The following ZNF217 variants were observed in gnomAD, a reference collection of about 807,000 sequenced individuals.
The protein encoded by ZNF217 is zinc finger protein 217.
A neutral mutation model predicts 73.3 loss-of-function variants in ZNF217; 12 were observed. The observed-to-expected ratio is 0.16, with a 90% CI of 0.10 to 0.27. The LOEUF is 0.27. Ranked by LOEUF, ZNF217 falls within the 10% of genes least tolerant of loss-of-function variation. The pLI is 1.00. For missense variants in ZNF217, 1,195 were observed against 1,327.8 expected (o/e 0.90, Z 1.55); for synonymous variants, 588 against 516.4 (o/e 1.14, Z -1.88).
chr20:53,577,728 CAT>C (rs1284595255), intron 3 of ZNF217, among the ~76,000 whole-genome samples: 1 of 152,182 alleles, frequency 6.6e-6, no homozygotes, highest in Non-Finnish European at 1.5e-5. Flanking sequence ...ATCATAAAGA[CAT>C]AAGATGCAGC....
At chr20:53,593,011 A>C (rs1988936210) in intron 1 of ZNF217, among the ~76,000 whole-genome samples, 1 of 152,064 alleles carries the variant, frequency 6.6e-6, no homozygotes, top group Non-Finnish European at 1.5e-5. Flanking sequence ...GACTTAAAAA[A>C]ATCTTTAAAA....
At chr20:53,590,441 A>T (rs901698623) in intron 1 of ZNF217, among the ~76,000 whole-genome samples, 2 of 152,236 alleles carry the variant, frequency 1.3e-5, no homozygotes, top group African/African-American at 4.8e-5. Flanking sequence ...ATGGAAACAA[A>T]GCTTCATATA....
rs1192824775 is a variant in ZNF217, at chr20:53,576,428, G to C, written c.2336C>G (p.Ala779Gly). 3 of 1,614,072 alleles carry C rather than the reference G, an allele frequency of 1.9e-6. No homozygotes were observed. The African/African-American group carries it at 4.0e-5, about 22-fold the overall frequency. ...SSFCKPKPKS[A>G]FPAQSKSLPS... Reference sequence around the variant, plus strand: ...CAGGGATTTGGACTGCGCCGGGAAAGCAGACTTGGGCTTGGGTTTACAGAA... The same window carrying C: ...CAGGGATTTGGACTGCGCCGGGAAACCAGACTTGGGCTTGGGTTTACAGAA... The change falls in exon 4 of 6, where the codon GCT (alanine) becomes GGT (glycine). Residue 779 changes from alanine (A) to glycine (G), a missense_variant. By Grantham distance (60) the Ala-to-Gly change is moderately conservative (BLOSUM62 0). Coordinates refer to ENST00000371471, the MANE Select transcript of ZNF217 (RefSeq NM_006526.3).
Position 53,571,730 on chromosome 20 carries a change from C to T in ZNF217, c.*14G>A, listed in dbSNP as rs967178461. ...TGAAACATATGCTCACCTTTTTTCC[C>T]CCTAATTAGTGAATCAAGTTTTTTT... On this transcript the variant is annotated 3_prime_UTR_variant, in exon 5 of 6. Coordinates refer to ENST00000371471, the MANE Select transcript of ZNF217 (RefSeq NM_006526.3). 8 of 1,604,150 alleles carry T rather than the reference C, an allele frequency of 5.0e-6. No homozygotes were observed. The highest frequency in any genetic ancestry group is 3.3e-4 in the Middle Eastern group (2 of 6,034).
rs1987845437 is a variant in ZNF217, at chr20:53,568,607, G to A, written c.*681C>T. On this transcript the variant is annotated 3_prime_UTR_variant, in exon 6 of 6. Transcript: ENST00000371471. ...GCCTTCCCCATCTGAGATGCTCAAA[G>A]TTGCGATAAAATGCTGCCAGCTTCC... is the stretch of plus-strand genomic sequence containing the variant. 1 of 152,168 alleles carries A rather than the reference G, an allele frequency of 6.6e-6. No individual in the cohort carries two copies. The highest frequency in any genetic ancestry group is 1.5e-5 in the Non-Finnish European group (1 of 68,084). 9.4% of individuals were successfully genotyped at this position (152,168 alleles called of 1,614,324 possible). A position where few individuals can be genotyped will look rare whatever the true frequency, so the allele number is the denominator to read the frequency against.
rs1255514018 is a variant in ZNF217 at position 53,567,861 on chromosome 20, C to G, written c.*1427G>C. 1 of 152,520 alleles carries G rather than the reference C, an allele frequency of 6.6e-6. No homozygotes were observed. The highest frequency in any genetic ancestry group is 1.5e-5 in the Non-Finnish European group (1 of 68,022). The allele number at this position is 152,520 out of a possible 1,614,324, so 9.4% of individuals were successfully genotyped here. On this transcript the variant is annotated 3_prime_UTR_variant, in exon 6 of 6. Coordinates refer to ENST00000371471, the MANE Select transcript of ZNF217 (RefSeq NM_006526.3). The stretch of plus-strand genomic sequence containing the variant: ...AAAAAAAAATTTTTTCTAGGATTAC[C>G]CTTGCTCTATGGAGAACAGCGAGGC...
upstream of ZNF217, among the ~76,000 whole-genome samples, chr20:53,596,292 A>C (rs1464232191): frequency 6.6e-6 from 1 of 152,148 alleles, no homozygotes; most frequent in Non-Finnish European, 1.5e-5. Flanking sequence ...AAACTGAAAG[A>C]TGATTATAAT....
At position 53,578,420 on chromosome 20, in the gene ZNF217, T is replaced by C; in HGVS notation, c.1397A>G (p.His466Arg). 3 of 1,572,752 alleles carry C rather than the reference T, an allele frequency of 1.9e-6. No homozygotes were observed. Among genetic ancestry groups the C allele is most frequent in the Non-Finnish European group, 1.7e-6 (2 of 1,166,084 alleles). ...DKNDDGGKIK[H>R]LTSSRECSYC... Reference sequence around the variant, plus strand: ...ACTACACTCTCTTGAAGATGTAAGATGTTTTATTTTTCCTCCATCATCATT... The same window carrying C: ...ACTACACTCTCTTGAAGATGTAAGACGTTTTATTTTTCCTCCATCATCATT... Residue 466 changes from histidine to arginine, a missense_variant, in exon 3 of 6, where the codon CAT (histidine) becomes CGT (arginine). By Grantham distance (29) the His-to-Arg change is conservative (BLOSUM62 0). Coordinates refer to ENST00000371471, the MANE Select transcript of ZNF217 (RefSeq NM_006526.3).
At chr20:53,593,052 C>T (rs1157600109) in intron 1 of ZNF217, among the ~76,000 whole-genome samples, 3 of 151,934 alleles carry the variant, frequency 2.0e-5, no homozygotes, top group Non-Finnish European at 1.5e-5. Context: ...GCCACCTTAT[C>T]GCACACATCC....
At chr20:53,579,744 CAA>C (rs1366335939) in intron 2 of ZNF217, among the ~76,000 whole-genome samples, 1 of 152,194 alleles carries the variant, frequency 6.6e-6, no homozygotes, top group Admixed American at 6.5e-5. Context: ...GATCTTTTTA[CAA>C]ATAGGCTGTT....
chr20:53,595,750 TTAAAA>T (rs146374269), upstream of ZNF217, among the ~76,000 whole-genome samples: 137 of 152,342 alleles, frequency 9.0e-4, no homozygotes, highest in African/African-American at 3.1e-3. Flanking sequence ...ATACCTATCT[TTAAAA>T]TATATTTTTT....
chr20:53,572,402 T>G (rs1013419162), intron 4 of ZNF217, among the ~76,000 whole-genome samples: 1 of 151,110 alleles, frequency 6.6e-6, no homozygotes, highest in African/African-American at 2.4e-5. Flanking sequence ...CAACAGAGTG[T>G]GACCCTGTCT....
chr20:53,577,414 T>C, intron 3 of ZNF217, 134 bp from the exon 4 acceptor site: 1 of 795,116 alleles, frequency 1.3e-6, no homozygotes, highest in Non-Finnish European at 1.9e-6. Flanking sequence ...GGATTTCTCA[T>C]CAGTTCTTTA....
Position 53,581,317 on chromosome 20 carries a change from A to G in ZNF217, c.1366+144T>C, listed in dbSNP as rs940335952. The G allele has an allele frequency of 7.8e-6, 9 of 1,151,412 alleles. No homozygotes were observed. Among genetic ancestry groups the G allele is most frequent in the South Asian group, 1.6e-5 (1 of 62,036 alleles). The allele number at this position is 1,151,412 out of a possible 1,614,324, so 71.3% of individuals were successfully genotyped here. ...GAGGTTAAATGACTTACACAGAGTG[A>G]TACCAAAAAGAGCCTGGACTTGACT... is the stretch of plus-strand genomic sequence containing the variant. On this transcript the variant is annotated intron_variant, in intron 2 of 5. Transcript: ENST00000371471. This position sits in a 1 kb window ranked among gnomAD's most constrained non-coding sequence, Gnocchi z 4.9.
At chr20:53,578,265 C>G in intron 3 of ZNF217, 69 bp downstream of exon 3, 1 of 1,102,592 alleles carries the variant, frequency 9.1e-7, no homozygotes, top group Non-Finnish European at 1.3e-6. Context: ...ATCTGAACAA[C>G]AACAACAAAA....
chr20:53,589,646 G>T (rs1328891432), intron 1 of ZNF217, among the ~76,000 whole-genome samples: 1 of 152,138 alleles, frequency 6.6e-6, no homozygotes, highest in African/African-American at 2.4e-5. Context: ...TCTCCTCGTG[G>T]TCTAAATTCA....
intron 1 of ZNF217, among the ~76,000 whole-genome samples, chr20:53,586,537 G>A (rs1988699566): frequency 6.6e-6 from 1 of 152,010 alleles, no homozygotes; most frequent in Admixed American, 6.5e-5. Context: ...GGCATCCTAG[G>A]GCTATCTCTG....
rs1987786193 is a variant in ZNF217, at chr20:53,567,320, G to T, written c.*1968C>A. On this transcript the variant is annotated 3_prime_UTR_variant, in exon 6 of 6. Transcript: ENST00000371471. ...AGTATACCAATAGTTAATACTGATG[G>T]ACACAAAAACATATTTTGAAGTACA... 1 of 152,496 alleles carries T rather than the reference G, an allele frequency of 6.6e-6. No homozygotes were observed. Among genetic ancestry groups the T allele is most frequent in the Non-Finnish European group, 1.5e-5 (1 of 68,006 alleles). The allele number at this position is 152,496 out of a possible 1,614,324, so 9.4% of individuals were successfully genotyped here.
At chr20:53,593,921 T>G (rs1486291215), upstream of ZNF217, 1 of 150,968 alleles carries the variant, frequency 6.6e-6, no homozygotes, top group Non-Finnish European at 1.5e-5. Context: ...CTCAGCCTTT[T>G]GTGCGGACAC....
Sources: gnomAD v4.1 joint callset for allele counts (sites outside exome capture counted in the v4.1 genomes callset) on GRCh38, gnomAD v4.1.1 for gene constraint, Gnocchi (gnomAD v3.1) non-coding constraint, MANE v1.5 for transcripts, NCBI Gene and HGNC (gene_info 2026-07-23, HGNC 2026-07-21) for gene names.